Variants in DENND2B observed in about 807,000 individuals in gnomAD.
DENND2B encodes the protein DENN domain-containing protein 2B.
In DENND2B, 32 loss-of-function variants were observed where a neutral mutation model predicts 116.0. The ratio of observed to expected loss-of-function variants is 0.28; its 90% CI spans 0.21 to 0.37. DENND2B has a LOEUF of 0.37. Ranked by LOEUF, DENND2B falls within the 10% of genes least tolerant of loss-of-function variation. DENND2B has a pLI of 1.00. For missense variants in DENND2B, 1,276 were observed against 1,477.7 expected, an observed-to-expected ratio of 0.86 and a Z score of 2.24; for synonymous variants, 588 against 583.9, an observed-to-expected ratio of 1.01 and a Z score of -0.10.
At position 8,878,390 on chromosome 11, in the gene DENND2B, AT is replaced by A. The variant is rs150901738; in HGVS notation, c.-156+2619del. 3.5e-3 allele frequency among the ~76,000 whole-genome samples: 506 copies of A among 144,386 alleles called. 1 individual carries two copies. The highest frequency in any genetic ancestry group is 0.01 in the Middle Eastern group (3 of 286). The allele number at this position is 144,386 out of a possible 152,430, so 94.7% of individuals were successfully genotyped here. A position where few individuals can be genotyped will look rare whatever the true frequency, so the allele number is the denominator to read the frequency against. On this transcript the variant is annotated intron_variant, in intron 2 of 22. Transcript: ENST00000534127. ...ATCATGTCCATCAACAATTGAATGA[AT>A]TTTTTTTTTTTTTTTGGAGACAGAG...
At chr11:8,740,077 C>A (rs2049921141) in intron 2 of DENND2B, among the ~76,000 whole-genome samples, 1 of 151,602 alleles carries the variant, frequency 6.6e-6, no homozygotes, top group South Asian at 2.1e-4. Context: ...GTGGTCCCAG[C>A]TACTCAAGAG....
intron 1 of DENND2B, among the ~76,000 whole-genome samples, chr11:8,765,504 T>C (rs2055551464): frequency 6.6e-6 from 1 of 152,228 alleles, no homozygotes; most frequent in Non-Finnish European, 1.5e-5. Context: ...TTTCTGAGGC[T>C]GGGTTTTCAG....
At chr11:8,815,982 G>T (rs984124420) in intron 4 of DENND2B, among the ~76,000 whole-genome samples, 6 of 152,196 alleles carry the variant, frequency 3.9e-5, no homozygotes, top group South Asian at 2.1e-4. Flanking sequence ...CACTAGAGGG[G>T]TTTATAGTAC....
At chr11:8,768,282 T>C (rs2056248174) in intron 1 of DENND2B, among the ~76,000 whole-genome samples, 1 of 152,218 alleles carries the variant, frequency 6.6e-6, no homozygotes, top group South Asian at 2.1e-4. Context: ...TAGGTCTTGC[T>C]CTGTCTCCCA....
intron 2 of DENND2B, among the ~76,000 whole-genome samples, chr11:8,739,806 G>GCA (rs145613095): frequency 2.0e-4 from 30 of 152,032 alleles, no homozygotes; most frequent in South Asian, 6.2e-4. Context: ...CACCATAAAT[G>GCA]CACACACACA....
chr11:8,884,159 T>C (rs2063932890), intron 1 of DENND2B, among the ~76,000 whole-genome samples: 1 of 152,182 alleles, frequency 6.6e-6, no homozygotes, highest in Non-Finnish European at 1.5e-5. Flanking sequence ...TTTGATCACT[T>C]GAAGACCCTC....
chr11:8,728,462 G>A (rs1047244738), intron 3 of DENND2B, among the ~76,000 whole-genome samples: 2 of 152,172 alleles, frequency 1.3e-5, no homozygotes, highest in African/African-American at 4.8e-5. Flanking sequence ...TTTTCCAAGA[G>A]CACAGATTTA....
upstream of DENND2B, chr11:8,871,417 A>G (rs2063780065): frequency 1.3e-5 from 2 of 151,946 alleles, no homozygotes; most frequent in Admixed American, 6.6e-5. Flanking sequence ...TCTCATACAC[A>G]CGTGACCCCC....
intron 1 of DENND2B, among the ~76,000 whole-genome samples, chr11:8,900,426 A>C (rs2064151752): frequency 1.8e-5 from 1 of 54,270 alleles, no homozygotes. Flanking sequence ...GTGAGACTCC[A>C]TCTCAAAAAA....
intron 1 of DENND2B, among the ~76,000 whole-genome samples, chr11:8,891,398 T>A (rs2064031078): frequency 6.6e-6 from 1 of 152,146 alleles, no homozygotes; most frequent in South Asian, 2.1e-4. Flanking sequence ...CAATATTAAC[T>A]TTAAATGTAA....
chr11:8,711,334 C>T (rs2043638577), intron 9 of DENND2B, 103 bp from the exon 10 acceptor site: 6 of 912,126 alleles, frequency 6.6e-6, no homozygotes, highest in Admixed American at 1.9e-5. Context: ...CACTGACTAG[C>T]GGGCATGATC....
At chr11:8,776,327 C>T (rs185736555) in intron 1 of DENND2B, 3 of 434,744 alleles carry the variant, frequency 6.9e-6, no homozygotes, top group Admixed American at 5.0e-5. Flanking sequence ...CTAGTATGCT[C>T]CAAGGCCCAG....
At chr11:8,832,907 G>C (rs2062274461) in intron 4 of DENND2B, among the ~76,000 whole-genome samples, 1 of 152,264 alleles carries the variant, frequency 6.6e-6, no homozygotes, top group South Asian at 2.1e-4. Flanking sequence ...GGCTGCACTT[G>C]AATGTCAGCA....
Position 8,843,173 on chromosome 11 carries a change from C to T in DENND2B, c.-155-3823G>A, listed in dbSNP as rs561046063. On this transcript the variant is annotated intron_variant, in intron 3 of 6. Transcript: ENST00000524757. The stretch of plus-strand genomic sequence containing the variant: ...CTGGGATTACAGGCAAGTGCCACCA[C>T]GCCTGGCTAATTTTTGTATTTTTTG... Among the ~76,000 whole-genome samples the T allele has an allele frequency of 1.6e-4, 24 of 152,262 alleles. No homozygotes were observed. In the East Asian group the frequency reaches 2.1e-3, roughly 14 times the overall value.
intron 2 of DENND2B, among the ~76,000 whole-genome samples, chr11:8,731,629 C>T (rs1462066281): frequency 6.6e-6 from 1 of 152,104 alleles, no homozygotes; most frequent in African/African-American, 2.4e-5. Context: ...GCAAGAGGAT[C>T]GCTTGAGCCC....
At chr11:8,836,844 T>G (rs959996100) in intron 4 of DENND2B, among the ~76,000 whole-genome samples, 3 of 152,008 alleles carry the variant, frequency 2.0e-5, no homozygotes, top group Non-Finnish European at 4.4e-5. Flanking sequence ...GCCTCCCGAG[T>G]GGATGGGACT....
chr11:8,833,407 T>C (rs1027205793), intron 4 of DENND2B, among the ~76,000 whole-genome samples: 1 of 152,164 alleles, frequency 6.6e-6, no homozygotes, highest in Admixed American at 6.5e-5. Flanking sequence ...AACTGTTTCC[T>C]TTGCAAGGAA....
chr11:8,718,457 G>A (rs2045504160), intron 4 of DENND2B: 1 of 1,510,698 alleles, frequency 6.6e-7, no homozygotes, highest in African/African-American at 1.4e-5. Context: ...GTCTTTTAGG[G>A]CAGGGTTTTG....
Position 8,699,282 on chromosome 11 carries a change from A to G in DENND2B, c.2829T>C (p.Cys943=), listed in dbSNP as rs1222552360. 1 of 1,602,770 alleles carries G rather than the reference A, an allele frequency of 6.2e-7. No homozygotes were observed. The highest frequency in any genetic ancestry group is 1.8e-5 in the Admixed American group (1 of 55,512). Residue 943 remains cysteine, a synonymous_variant, in exon 15 of 20, where the codon TGT becomes TGC. Transcript: ENST00000313726. ...GCAGGCCAACCAGGAAGGGGGTGGG[A>G]CAGCAGACGATGTCAATCATGGAGG... ...LPASMIDIVC[C]PTPFLVGLLS...
Sources: gnomAD v4.1 joint callset for allele counts (sites outside exome capture counted in the v4.1 genomes callset) on GRCh38, gnomAD v4.1.1 for gene constraint, MANE v1.5 for transcripts, NCBI Gene and HGNC (gene_info 2026-07-23, HGNC 2026-07-21) for gene names.